The following DIS3L variants were observed in gnomAD, a reference collection of about 807,000 sequenced individuals.
DIS3L encodes the protein DIS3 like exosome 3'-5' exoribonuclease.
Under a neutral mutation model 120.3 loss-of-function variants are expected in DIS3L, and 100 were observed. The ratio of observed to expected loss-of-function variants is 0.83; its 90% confidence interval spans 0.71 to 0.98. DIS3L has a LOEUF of 0.98. DIS3L is among the 50% of genes least tolerant of loss of function. The probability of loss-of-function intolerance (pLI) is 0.00; values close to 1 mark genes in which losing one functional copy is unlikely to be tolerated. For missense variants in DIS3L, 1,196 were observed against 1,314.2 expected, an observed-to-expected ratio of 0.91 and a Z score of 1.39; for synonymous variants, 426 against 470.6, an observed-to-expected ratio of 0.91 and a Z score of 1.23.
chr15:66,314,209 T>A, intron 6 of DIS3L, 92 bp downstream of exon 6: 1 of 1,084,992 alleles, frequency 9.2e-7, no homozygotes. Flanking sequence ...TCATGTCATA[T>A]GTGCCCTGTT....
chr15:66,305,202 G>A (rs1442182988), intron 2 of DIS3L, among the ~76,000 whole-genome samples: 1 of 151,532 alleles, frequency 6.6e-6, no homozygotes, highest in Non-Finnish European at 1.5e-5. Context: ...GGGTTTCACT[G>A]TGTTAGCCAG....
At chr15:66,317,521 C>T (rs193196277) in intron 7 of DIS3L, among the ~76,000 whole-genome samples, 41 of 152,070 alleles carry the variant, frequency 2.7e-4, no homozygotes, top group Non-Finnish European at 4.7e-4. Context: ...ACTGAAAACG[C>T]GCAGTTGAGG....
In DIS3L at chr15:66,333,425, T is replaced by C; in HGVS notation, c.*113T>C. 1 of 1,176,928 alleles carries C rather than the reference T, an allele frequency of 8.5e-7. No individual in the cohort carries two copies. Among genetic ancestry groups the C allele is most frequent in the South Asian group, 1.6e-5 (1 of 62,550 alleles). The allele number at this position is 1,176,928 out of a possible 1,614,324, so 72.9% of individuals were successfully genotyped here. ...TAGTCGATCAGGACTGGGTAGCTAT[T>C]TCGCATATATGTAAAATGTTCTCAG... On this transcript the variant is annotated 3_prime_UTR_variant, in exon 17 of 17. Transcript: ENST00000319212.
Position 66,324,924 on chromosome 15 carries a change from T to TA in DIS3L, c.1668-904dup, listed in dbSNP as rs1226175848. Among the ~76,000 whole-genome samples, 7 of 152,318 alleles carry TA rather than the reference T, an allele frequency of 4.6e-5. No homozygotes were observed. In the East Asian group the frequency reaches 5.8e-4, roughly 13 times the overall value. Reference sequence around the variant, plus strand: ...GAGTTCCAAATGTATACCTTTTTTTTAAATAAAATGACTTGGTGGCAAAGA... The same window carrying TA: ...GAGTTCCAAATGTATACCTTTTTTTTAAAATAAAATGACTTGGTGGCAAAGA... On this transcript the variant is annotated intron_variant, in intron 11 of 16. Coordinates refer to ENST00000319212, the MANE Select transcript of DIS3L (RefSeq NM_001143688.3).
chr15:66,332,506 GTGTGTGTGTA>G lies in DIS3L; in HGVS notation c.2682-228_2682-219del, dbSNP rs1354902942. 1.6e-3 allele frequency among the ~76,000 whole-genome samples: 137 copies of G among 83,124 alleles called. 1 individual carries two copies. The highest frequency in any genetic ancestry group is 8.4e-3 in the South Asian group (18 of 2,148). 54.5% of individuals were successfully genotyped at this position (83,124 alleles called of 152,430 possible). On this transcript the variant is annotated intron_variant, in intron 15 of 16. Transcript: ENST00000319212. ...CTGGAGTGTGTGTGTGTGTGTGTGT[GTGTGTGTGTA>G]TATATATACACACACACTTCTATAT...
chr15:66,322,890 C>T lies in DIS3L; in HGVS notation c.1530C>T (p.His510=), dbSNP rs200721109. 6.2e-7 allele frequency: 1 copy of T among 1,614,148 alleles called. No individual in the cohort carries two copies. The highest frequency in any genetic ancestry group is 8.5e-7 in the Non-Finnish European group (1 of 1,180,028). ...ELGVHIADVT[H]FVAPNSYIDI... The stretch of plus-strand genomic sequence containing the variant: ...GGGTCCACATCGCAGATGTAACACA[C>T]TTTGTGGCACCAAATTCTTACATTG... The change falls in exon 10 of 17, where the codon CAC becomes CAT. Residue 510 remains histidine (H), a synonymous_variant. Coordinates refer to ENST00000319212, the MANE Select transcript of DIS3L (RefSeq NM_001143688.3).
rs768818799 is a variant in DIS3L at position 66,326,249 on chromosome 15, A to G, written c.2086A>G (p.Ile696Val). The change falls in exon 12 of 17, where the codon ATC becomes GTC. Residue 696 changes from isoleucine (I) to valine (V), a missense_variant. By Grantham distance (29) the Ile-to-Val change is conservative. Coordinates refer to ENST00000319212, the MANE Select transcript of DIS3L (RefSeq NM_001143688.3). The stretch of plus-strand genomic sequence containing the variant: ...GGCCAACCACTGGGTCGCCAAAAAG[A>G]TCTGGGAGAGCTTCCCTCATCAGGC... ...ILANHWVAKK[I>V]WESFPHQALL... 2.8e-5 allele frequency: 45 copies of G among 1,614,020 alleles called. No individual in the cohort carries two copies. Among genetic ancestry groups the G allele is most frequent in the Non-Finnish European group, 3.2e-5 (38 of 1,180,026 alleles).
At chr15:66,315,239 C>A in intron 7 of DIS3L, 24 bp downstream of exon 7, 1 of 1,557,746 alleles carries the variant, frequency 6.4e-7, no homozygotes, top group East Asian at 2.3e-5. Flanking sequence ...AGAGCCACTC[C>A]GATGTCCATT....
chr15:66,304,632 G>A (rs1304064226), intron 2 of DIS3L, among the ~76,000 whole-genome samples: 2 of 152,250 alleles, frequency 1.3e-5, no homozygotes, highest in East Asian at 1.9e-4. Flanking sequence ...CGGGCGTGAC[G>A]GCTTATGCCT....
intron 8 of DIS3L, among the ~76,000 whole-genome samples, chr15:66,319,738 A>T (rs182160284): frequency 2.4e-3 from 370 of 152,140 alleles, no homozygotes; most frequent in African/African-American, 8.6e-3. Context: ...TACATTTTCC[A>T]TTCCCATGGT....
chr15:66,312,687 A>G (rs1298607672), intron 5 of DIS3L, among the ~76,000 whole-genome samples: 1 of 152,156 alleles, frequency 6.6e-6, no homozygotes, highest in East Asian at 1.9e-4. Context: ...TCAGATTTCA[A>G]CAGTTTTATA....
intron 15 of DIS3L, among the ~76,000 whole-genome samples, chr15:66,332,286 G>GT (rs943626999): frequency 1.6e-4 from 24 of 152,062 alleles, no homozygotes; most frequent in African/African-American, 5.5e-4. Context: ...GTGAAACCCC[G>GT]TCTCTACTAA....
intron 1 of DIS3L, 124 bp downstream of exon 1, chr15:66,293,859 G>A: frequency 1.1e-6 from 1 of 945,310 alleles, no homozygotes; most frequent in Non-Finnish European, 1.2e-6. Flanking sequence ...CCCGCGGCCT[G>A]CGCCCGCTCG....
chr15:66,304,920 G>C (rs141543546), intron 2 of DIS3L, among the ~76,000 whole-genome samples: 8,462 of 147,414 alleles, frequency 0.057, 945 homozygotes, highest in African/African-American at 0.21. Context: ...AAAAAAAAAG[G>C]ATATTTTATA....
rs71447895 is a variant in DIS3L, at chr15:66,313,755, A to ATG, written c.736-270_736-269dup. Among the ~76,000 whole-genome samples the ATG allele has an allele frequency of 2.4e-4, 36 of 150,564 alleles. 1 individual carries two copies. Among genetic ancestry groups the ATG allele is most frequent in the Admixed American group, 8.0e-4 (12 of 15,058 alleles). ...GACAAAAAGAGAAAAAAAAGTGTAT[A>ATG]TGTGTGTGTGTGTGTATATATATAT... On this transcript the variant is annotated intron_variant, in intron 5 of 16. Transcript: ENST00000319212.
rs1318397829 is a variant in DIS3L at position 66,293,626 on chromosome 15, G to A, written c.30G>A (p.Leu10=). 2.8e-6 allele frequency: 4 copies of A among 1,447,996 alleles called. No homozygotes were observed. The highest frequency in any genetic ancestry group is 2.7e-6 in the Non-Finnish European group (3 of 1,102,838). The allele number at this position is 1,447,996 out of a possible 1,614,324, so 89.7% of individuals were successfully genotyped here. Residue 10 remains leucine, a synonymous_variant, in exon 1 of 17, where the codon CTG becomes CTA. Transcript: ENST00000319212. MLQKREKVL[L]LRTFQGRTLR... Reference sequence around the variant, plus strand: ...TGCAGAAGCGGGAGAAGGTGCTGCTGCTGAGGACCTTCCAGGGCCGCACGC... The same window carrying A: ...TGCAGAAGCGGGAGAAGGTGCTGCTACTGAGGACCTTCCAGGGCCGCACGC...
In DIS3L at chr15:66,315,121, T is replaced by C; in HGVS notation, c.900T>C (p.Pro300=). ...HGDVVVVELL[P]KNEWKGRTVA... ...ATGTGGTAGTTGTGGAGCTGCTTCC[T>C]AAAAATGAATGGAAAGGAAGAACCG... The change falls in exon 7 of 17, where the codon CCT becomes CCC. Residue 300 remains proline (P), a synonymous_variant. Transcript: ENST00000319212. 6.2e-7 allele frequency: 1 copy of C among 1,614,066 alleles called. No individual in the cohort carries two copies. Among genetic ancestry groups the C allele is most frequent in the Non-Finnish European group, 8.5e-7 (1 of 1,180,004 alleles).
chr15:66,323,346 A>C, intron 10 of DIS3L, 147 bp from the exon 11 acceptor site: 1 of 724,782 alleles, frequency 1.4e-6, no homozygotes, highest in Non-Finnish European at 2.3e-6. Flanking sequence ...TAGTTTTATT[A>C]CCCAGTCTGC....
chr15:66,300,859 A>T (rs947332297), intron 2 of DIS3L, among the ~76,000 whole-genome samples: 1 of 152,268 alleles, frequency 6.6e-6, no homozygotes, highest in African/African-American at 2.4e-5. Context: ...GCAGTCGTTC[A>T]GATGGCCCCA....
Sources: allele counts gnomAD v4.1 joint callset (sites outside exome capture counted in the v4.1 genomes callset), GRCh38; gene constraint gnomAD v4.1.1; transcripts MANE v1.5; gene names NCBI Gene and HGNC (gene_info 2026-07-23, HGNC 2026-07-21).